DLG2: variants seen among roughly 807,000 people sequenced by gnomAD.
DLG2 encodes disks large homolog 2.
Under a neutral mutation model 132.5 loss-of-function variants are expected in DLG2, and 45 were observed. That is an observed-to-expected ratio of 0.34 (90% CI 0.27 to 0.44). The LOEUF is 0.44. Ranked by LOEUF, DLG2 falls within the 20% of genes least tolerant of loss-of-function variation. The pLI, the probability that DLG2 is intolerant of heterozygous loss-of-function variation, is 1.00. For missense variants in DLG2, 1,045 were observed against 1,196.9 expected (o/e 0.87, Z 1.87); for synonymous variants, 424 against 419.6 (o/e 1.01, Z -0.13).
chr11:84,896,852 A>C (rs955415264), intron 6 of DLG2, among the ~76,000 whole-genome samples: 21 of 152,050 alleles, frequency 1.4e-4, no homozygotes, highest in African/African-American at 4.8e-4. Context: ...CTTTATCACA[A>C]GTATGTATGT....
At chr11:85,397,452 C>T (rs1409575239) in intron 3 of DLG2, among the ~76,000 whole-genome samples, 3 of 152,102 alleles carry the variant, frequency 2.0e-5, no homozygotes, top group African/African-American at 4.8e-5. Context: ...TGTAAATGGG[C>T]AAAATGCCCG....
chr11:84,019,781 C>A (rs999375545), intron 11 of DLG2, among the ~76,000 whole-genome samples: 2 of 152,234 alleles, frequency 1.3e-5, no homozygotes, highest in African/African-American at 4.8e-5. Context: ...CAAAGATTTC[C>A]GGCAAACTAC....
At chr11:84,192,595 T>C (rs1284258004) in intron 8 of DLG2, among the ~76,000 whole-genome samples, 5 of 152,092 alleles carry the variant, frequency 3.3e-5, no homozygotes. Context: ...CTGGGCGTGG[T>C]GGCAGGCGCC....
At chr11:85,124,072 T>C (rs1380435836) in intron 5 of DLG2, among the ~76,000 whole-genome samples, 2 of 152,134 alleles carry the variant, frequency 1.3e-5, no homozygotes, top group Admixed American at 1.3e-4. Context: ...AATGAGGAAA[T>C]GAGAGAGAAA....
chr11:85,023,488 T>C (rs919042164), intron 6 of DLG2, among the ~76,000 whole-genome samples: 9 of 152,094 alleles, frequency 5.9e-5, no homozygotes, highest in Non-Finnish European at 1.2e-4. Context: ...AATAACTTTG[T>C]CTACTTATCT....
chr11:84,852,743 A>C (rs986078210), intron 6 of DLG2, among the ~76,000 whole-genome samples: 1 of 152,052 alleles, frequency 6.6e-6, no homozygotes, highest in African/African-American at 2.4e-5. Context: ...AAATGAAAAT[A>C]CTAGAAGACA....
chr11:85,467,506 G>T (rs1195344290), intron 3 of DLG2, among the ~76,000 whole-genome samples: 1 of 152,190 alleles, frequency 6.6e-6, no homozygotes, highest in Non-Finnish European at 1.5e-5. Flanking sequence ...TTTATTGGGA[G>T]TTTTTAGCAT....
At chr11:84,161,886 C>T (rs1417072264) in intron 9 of DLG2, among the ~76,000 whole-genome samples, 1 of 152,124 alleles carries the variant, frequency 6.6e-6, no homozygotes, top group East Asian at 1.9e-4. Context: ...CCATAAGCCT[C>T]ACTTTTCTCC....
intron 6 of DLG2, among the ~76,000 whole-genome samples, chr11:84,692,423 C>A (rs530915494): frequency 6.6e-6 from 1 of 151,604 alleles, no homozygotes; most frequent in African/African-American, 2.4e-5. Flanking sequence ...CTATCCACTT[C>A]GTTGCCTATA....
At chr11:84,976,522 A>G (rs1476868598) in intron 6 of DLG2, among the ~76,000 whole-genome samples, 2 of 152,160 alleles carry the variant, frequency 1.3e-5, no homozygotes, top group Non-Finnish European at 2.9e-5. Context: ...AATATATTTA[A>G]TATTTTTAAA....
At chr11:83,514,127 C>G (rs985571745) in intron 21 of DLG2, among the ~76,000 whole-genome samples, 16 of 152,220 alleles carry the variant, frequency 1.1e-4, no homozygotes, top group African/African-American at 3.4e-4. Flanking sequence ...GGCAGTATGG[C>G]CATTTTCATG....
intron 7 of DLG2, among the ~76,000 whole-genome samples, chr11:84,484,339 G>A (rs1305312482): frequency 6.6e-6 from 1 of 152,076 alleles, no homozygotes; most frequent in African/African-American, 2.4e-5. Flanking sequence ...GAGCTCCTAA[G>A]TGAAGATGTC....
intron 18 of DLG2, among the ~76,000 whole-genome samples, chr11:83,675,940 C>T (rs2077605980): frequency 6.6e-6 from 1 of 152,172 alleles, no homozygotes; most frequent in Non-Finnish European, 1.5e-5. Context: ...TATGTACTAA[C>T]TCTAGTAGAC....
At chr11:84,688,612 T>C (rs954117879) in intron 6 of DLG2, among the ~76,000 whole-genome samples, 10 of 152,146 alleles carry the variant, frequency 6.6e-5, no homozygotes, top group Admixed American at 6.5e-4. Context: ...AAGTAGCAAA[T>C]GTTAAATAAA....
At chr11:83,872,123 C>T (rs368973878) in intron 16 of DLG2, among the ~76,000 whole-genome samples, 27 of 152,118 alleles carry the variant, frequency 1.8e-4, no homozygotes, top group African/African-American at 6.0e-4. Context: ...AAGTAGCTGG[C>T]GTGGTGGTGT....
At chr11:84,474,819 T>A (rs1191187689) in intron 7 of DLG2, among the ~76,000 whole-genome samples, 1 of 152,094 alleles carries the variant, frequency 6.6e-6, no homozygotes, top group Non-Finnish European at 1.5e-5. Flanking sequence ...GGCCTTTTTA[T>A]ATTTGTCAAA....
chr11:85,427,750 T>G (rs765614769), intron 3 of DLG2, among the ~76,000 whole-genome samples: 4 of 152,240 alleles, frequency 2.6e-5, no homozygotes, highest in Non-Finnish European at 4.4e-5. Context: ...GACATCATAA[T>G]GACAGGATCA....
chr11:84,560,871 T>C (rs888264176), intron 6 of DLG2, among the ~76,000 whole-genome samples: 2 of 152,124 alleles, frequency 1.3e-5, no homozygotes, highest in Non-Finnish European at 2.9e-5. Flanking sequence ...GCTTTTACAA[T>C]GTGACTTGAT....
intron 21 of DLG2, among the ~76,000 whole-genome samples, chr11:83,493,387 CCTTCCTTT>C (rs1239492496): frequency 1.5e-4 from 12 of 79,922 alleles, no homozygotes; most frequent in Admixed American, 3.6e-4. Flanking sequence ...TTCCTTCCTT[CCTTCCTTT>C]CTCTCTCTTT....
Sources: gnomAD v4.1 joint callset for allele counts (sites outside exome capture counted in the v4.1 genomes callset) on GRCh38, gnomAD v4.1.1 for gene constraint, MANE v1.5 for transcripts, NCBI Gene and HGNC (gene_info 2026-07-23, HGNC 2026-07-21) for gene names.